NTRK3: variants seen among roughly 807,000 people sequenced by gnomAD.
NTRK3 encodes the protein NT-3 growth factor receptor.
Under a neutral mutation model 91.7 loss-of-function variants are expected in NTRK3, and 24 were observed. That is an observed-to-expected ratio of 0.26 (90% confidence interval 0.19 to 0.37). NTRK3 has a LOEUF of 0.37. NTRK3 is among the 10% of genes least tolerant of loss of function. NTRK3 has a pLI of 1.00. For missense variants in NTRK3, 880 were observed against 1,068.9 expected, an observed-to-expected ratio of 0.82 and a Z score of 2.46; for synonymous variants, 483 against 404.0, an observed-to-expected ratio of 1.20 and a Z score of -2.34.
chr15:87,978,841 G>T (rs921371729), intron 14 of NTRK3: 1 of 245,250 alleles, frequency 4.1e-6, no homozygotes, highest in Non-Finnish European at 8.0e-6. Context: ...CTCTGCTTAG[G>T]TGCTCTCTGT....
chr15:87,915,739 A>G (rs2067399865), intron 17 of NTRK3, among the ~76,000 whole-genome samples: 1 of 152,216 alleles, frequency 6.6e-6, no homozygotes, highest in South Asian at 2.1e-4. Flanking sequence ...TCTTTTACAT[A>G]GAATAATAGC....
At chr15:87,948,912 C>A (rs1045505202) in intron 14 of NTRK3, among the ~76,000 whole-genome samples, 1 of 152,158 alleles carries the variant, frequency 6.6e-6, no homozygotes, top group Non-Finnish European at 1.5e-5. Flanking sequence ...GCTTCCCTCA[C>A]ACATTCTTTT....
At chr15:87,947,859 G>T (rs1293388981) in intron 14 of NTRK3, among the ~76,000 whole-genome samples, 5 of 152,128 alleles carry the variant, frequency 3.3e-5, no homozygotes, top group African/African-American at 1.2e-4. Context: ...TCTTTAAATG[G>T]AAAAGAATAA....
chr15:88,095,466 T>C (rs1030417446), intron 13 of NTRK3, among the ~76,000 whole-genome samples: 19 of 152,348 alleles, frequency 1.2e-4, no homozygotes, highest in African/African-American at 4.3e-4. Flanking sequence ...ATGTTGTCAA[T>C]GGCATTTTTG....
At chr15:88,231,700 G>A (rs2051196109) in intron 3 of NTRK3, among the ~76,000 whole-genome samples, 1 of 152,148 alleles carries the variant, frequency 6.6e-6, no homozygotes, top group African/African-American at 2.4e-5. Flanking sequence ...TCTTCATAGT[G>A]AACACACTTG....
At chr15:88,160,879 T>C (rs1195252920) in intron 5 of NTRK3, among the ~76,000 whole-genome samples, 1 of 152,200 alleles carries the variant, frequency 6.6e-6, no homozygotes. Flanking sequence ...TGGGCTAAGC[T>C]GTCAGCTCTG....
At chr15:87,863,956 A>G (rs1343487185) in exon 19 of NTRK3, 1 of 227,004 alleles carries the variant, frequency 4.4e-6, no homozygotes, top group African/African-American at 2.3e-5. Flanking sequence ...TCTGCCTTTA[A>G]CCCCCCACCA....
intron 13 of NTRK3, among the ~76,000 whole-genome samples, chr15:88,112,811 G>A (rs28459386): frequency 0.012 from 1,840 of 152,206 alleles, 50 homozygotes; most frequent in African/African-American, 0.041. Flanking sequence ...GAAAGTGAAC[G>A]GAGCCACATC....
intron 13 of NTRK3, among the ~76,000 whole-genome samples, chr15:88,113,780 C>A (rs747981746): frequency 1.2e-4 from 18 of 152,160 alleles, no homozygotes; most frequent in Non-Finnish European, 2.2e-4. Context: ...ACAACAGCAG[C>A]CTTGAGTGAT....
At chr15:88,039,118 AACACACACACACACACACACACAC>A (rs66499066) in intron 13 of NTRK3, among the ~76,000 whole-genome samples, 19 of 139,386 alleles carry the variant, frequency 1.4e-4, no homozygotes, top group Non-Finnish European at 2.5e-4. Context: ...TTGAGCCCTC[AACACACACACACACACACACACAC>A]ACACACACAC....
At chr15:88,110,273 G>A (rs534431622) in intron 13 of NTRK3, among the ~76,000 whole-genome samples, 14 of 152,170 alleles carry the variant, frequency 9.2e-5, no homozygotes, top group Non-Finnish European at 1.9e-4. Context: ...CATGGAGGTG[G>A]GATCTTAGGA....
intron 13 of NTRK3, among the ~76,000 whole-genome samples, chr15:88,067,230 A>AT (rs984421267): frequency 5.3e-5 from 8 of 151,518 alleles, no homozygotes; most frequent in Non-Finnish European, 7.4e-5. Flanking sequence ...CCCACACGCC[A>AT]TTTTTTTTCA....
intron 17 of NTRK3, among the ~76,000 whole-genome samples, chr15:87,882,964 G>T (rs1469392836): frequency 6.6e-6 from 1 of 151,840 alleles, no homozygotes; most frequent in African/African-American, 2.4e-5. Flanking sequence ...GAGAAATTTA[G>T]GTTAGAAAAA....
chr15:87,880,512 G>T, intron 17 of NTRK3, 84 bp from the exon 19 acceptor site: 1 of 1,441,582 alleles, frequency 6.9e-7, no homozygotes, highest in Non-Finnish European at 9.6e-7. Context: ...ACACATAGAT[G>T]CACTCTTGAT....
At chr15:87,985,308 A>T (rs1039056211) in intron 14 of NTRK3, among the ~76,000 whole-genome samples, 1 of 152,214 alleles carries the variant, frequency 6.6e-6, no homozygotes, top group African/African-American at 2.4e-5. Context: ...ATTGCCTGAC[A>T]TGTATAAGGC....
At chr15:88,005,273 C>A (rs959572339) in intron 14 of NTRK3, among the ~76,000 whole-genome samples, 1 of 152,110 alleles carries the variant, frequency 6.6e-6, no homozygotes, top group East Asian at 1.9e-4. Context: ...ATGAGCTTGA[C>A]CCCCAGTTCA....
In NTRK3 at chr15:88,255,126, A is replaced by G. The variant is rs1174888231; in HGVS notation, c.248+780T>C. Among the ~76,000 whole-genome samples, 1 of 152,172 alleles carries G rather than the reference A, an allele frequency of 6.6e-6. No homozygotes were observed. The highest frequency in any genetic ancestry group is 1.5e-5 in the Non-Finnish European group (1 of 68,038). The stretch of plus-strand genomic sequence containing the variant: ...GATCACACAAGAAACCCCTCTCCTC[A>G]AAACACACGCCCTCTCCTCTCCCTG... On this transcript the variant is annotated intron_variant, in intron 3 of 18. Coordinates refer to ENST00000394480, the Ensembl canonical transcript of NTRK3. The surrounding 1 kb of genome is among the most constrained non-coding windows in gnomAD (Gnocchi z 4.3).
At chr15:88,130,223 G>A (rs1057333266) in intron 10 of NTRK3, among the ~76,000 whole-genome samples, 4 of 152,180 alleles carry the variant, frequency 2.6e-5, no homozygotes, top group African/African-American at 7.2e-5. Context: ...AAATATCCAT[G>A]AGTCCATATT....
At chr15:88,206,187 A>T (rs1379368076) in intron 3 of NTRK3, among the ~76,000 whole-genome samples, 2 of 145,854 alleles carry the variant, frequency 1.4e-5, no homozygotes, top group African/African-American at 2.5e-5. Flanking sequence ...AAAATACAAA[A>T]AAAAAAAATT....
Sources: gnomAD v4.1 joint callset for allele counts (sites outside exome capture counted in the v4.1 genomes callset) on GRCh38, gnomAD v4.1.1 for gene constraint, Gnocchi (gnomAD v3.1) non-coding constraint, MANE v1.5 for transcripts, NCBI Gene and HGNC (gene_info 2026-07-23, HGNC 2026-07-21) for gene names.